The following TMCC1 variants were observed in gnomAD, a reference collection of about 807,000 sequenced individuals.
The protein encoded by TMCC1 is transmembrane and coiled-coil domains protein 1.
A neutral mutation model predicts 52.4 loss-of-function variants in TMCC1; 15 were observed. The observed-to-expected ratio is 0.29, with a 90% CI of 0.19 to 0.44. TMCC1 has a LOEUF of 0.44. TMCC1 is among the 20% of genes least tolerant of loss of function. TMCC1 has a pLI of 1.00. For missense variants in TMCC1, 503 were observed against 806.0 expected (o/e 0.62, Z 4.55); for synonymous variants, 279 against 301.9 (o/e 0.92, Z 0.79).
intron 4 of TMCC1, among the ~76,000 whole-genome samples, chr3:129,680,624 G>C (rs1158452683): frequency 2.6e-5 from 4 of 152,206 alleles, no homozygotes; most frequent in Non-Finnish European, 1.5e-5. Context: ...CTCTGGGCCA[G>C]GCCTGGTGGC....
intron 5 of TMCC1, among the ~76,000 whole-genome samples, chr3:129,662,763 C>A (rs1390446591): frequency 6.6e-6 from 1 of 152,172 alleles, no homozygotes; most frequent in South Asian, 2.1e-4. Flanking sequence ...GATGTTCACG[C>A]ACCTCCGCTT....
chr3:129,860,573 T>C (rs751432509), intron 2 of TMCC1, among the ~76,000 whole-genome samples: 1 of 152,138 alleles, frequency 6.6e-6, no homozygotes, highest in African/African-American at 2.4e-5. Flanking sequence ...ATTATACTTA[T>C]CTAAGCATTT....
intron 2 of TMCC1, among the ~76,000 whole-genome samples, chr3:129,875,524 AAC>A (rs1406771795): frequency 2.0e-5 from 3 of 150,798 alleles, no homozygotes; most frequent in African/African-American, 4.9e-5. Flanking sequence ...AAACAACACA[AAC>A]ACACCCAAAA....
intron 4 of TMCC1, among the ~76,000 whole-genome samples, chr3:129,758,364 T>C (rs1176439266): frequency 9.2e-5 from 14 of 152,234 alleles, no homozygotes; most frequent in African/African-American, 2.4e-5. Flanking sequence ...TACAGGTGGA[T>C]ACATAATTAC....
At chr3:129,847,405 A>G (rs1251917892) in intron 2 of TMCC1, 1 of 152,220 alleles carries the variant, frequency 6.6e-6, no homozygotes, top group African/African-American at 2.4e-5. Context: ...ATCTATTGCA[A>G]GAAGTTAGTT....
chr3:129,809,836 T>C (rs999061442), intron 4 of TMCC1, among the ~76,000 whole-genome samples: 1 of 152,210 alleles, frequency 6.6e-6, no homozygotes, highest in Non-Finnish European at 1.5e-5. Context: ...TTTAGGTAAA[T>C]CCCACTAAAA....
intron 4 of TMCC1, among the ~76,000 whole-genome samples, chr3:129,731,681 AT>A (rs77948753): frequency 1.3e-5 from 2 of 151,740 alleles, no homozygotes; most frequent in African/African-American, 4.8e-5. Flanking sequence ...CTGGCCCAAA[AT>A]TTTTTTACAC....
At chr3:129,892,033 C>G (rs2061988276) in intron 1 of TMCC1, among the ~76,000 whole-genome samples, 1 of 152,250 alleles carries the variant, frequency 6.6e-6, no homozygotes, top group South Asian at 2.1e-4. Flanking sequence ...TGTCAGCGGT[C>G]TGTGCTTCTG....
At chr3:129,750,681 T>C (rs1460616838) in intron 4 of TMCC1, among the ~76,000 whole-genome samples, 22 of 149,112 alleles carry the variant, frequency 1.5e-4, no homozygotes, top group Admixed American at 1.1e-3. Context: ...TTCACGCCAT[T>C]CTCCTGCCTC....
intron 4 of TMCC1, among the ~76,000 whole-genome samples, chr3:129,797,984 G>GC (rs1187529175): frequency 5.3e-5 from 3 of 56,910 alleles, no homozygotes; most frequent in Non-Finnish European, 6.9e-5. Flanking sequence ...CGAGTTGTGT[G>GC]CCTTTTTTTT....
rs1481584867 is a variant in TMCC1 at position 129,677,971 on chromosome 3, G to A, written c.577-6707C>T. On this transcript the variant is annotated intron_variant, in intron 4 of 6. Coordinates refer to ENST00000393238, the MANE Select transcript of TMCC1 (RefSeq NM_001017395.5). ...AGACAGAGTCTCGCTCTGTCGCCCA[G>A]GCTGGGGTGCAGTAGCATGATCTTG... Among the ~76,000 whole-genome samples, 3 of 152,188 alleles carry A rather than the reference G, an allele frequency of 2.0e-5. No homozygotes were observed. In the East Asian group the frequency reaches 5.8e-4, roughly 29 times the overall value.
At chr3:129,669,759 C>A (rs974715800) in intron 5 of TMCC1, among the ~76,000 whole-genome samples, 1 of 152,226 alleles carries the variant, frequency 6.6e-6, no homozygotes, top group Non-Finnish European at 1.5e-5. Flanking sequence ...ACGAGACCAG[C>A]TTCTACCCTT....
intron 4 of TMCC1, among the ~76,000 whole-genome samples, chr3:129,755,799 T>C (rs1471188944): frequency 6.6e-6 from 1 of 152,214 alleles, no homozygotes; most frequent in African/African-American, 2.4e-5. Flanking sequence ...AAATGGCACA[T>C]TCAGTTTATA....
At chr3:129,752,225 G>A (rs1018022361) in intron 4 of TMCC1, among the ~76,000 whole-genome samples, 1 of 152,116 alleles carries the variant, frequency 6.6e-6, no homozygotes, top group South Asian at 2.1e-4. Flanking sequence ...CTGAATGAGC[G>A]AGCTGTGACC....
intron 4 of TMCC1, among the ~76,000 whole-genome samples, chr3:129,793,479 G>A (rs1297258351): frequency 6.6e-6 from 1 of 152,180 alleles, no homozygotes; most frequent in Non-Finnish European, 1.5e-5. Flanking sequence ...TCTGTATTCA[G>A]GGAATGAACT....
At chr3:129,870,813 G>T (rs1364308834) in intron 2 of TMCC1, among the ~76,000 whole-genome samples, 1 of 143,738 alleles carries the variant, frequency 7.0e-6, no homozygotes, top group Non-Finnish European at 1.5e-5. Flanking sequence ...CACTATTCTG[G>T]TCTCATTCAT....
chr3:129,824,567 G>A (rs1215866711), intron 4 of TMCC1, among the ~76,000 whole-genome samples: 4 of 152,126 alleles, frequency 2.6e-5, no homozygotes, highest in African/African-American at 9.7e-5. Flanking sequence ...AGTATTGGGG[G>A]AAAGGACATA....
At chr3:129,749,784 A>G (rs1435912411) in intron 4 of TMCC1, among the ~76,000 whole-genome samples, 1 of 152,236 alleles carries the variant, frequency 6.6e-6, no homozygotes, top group Non-Finnish European at 1.5e-5. Flanking sequence ...AATGTTCCAG[A>G]AACACACAAA....
chr3:129,853,846 T>G (rs758947640), intron 2 of TMCC1, among the ~76,000 whole-genome samples: 16 of 152,106 alleles, frequency 1.1e-4, no homozygotes, highest in Non-Finnish European at 2.1e-4. Context: ...CTTTTGTCAG[T>G]GAAGAGCACT....
Sources: allele counts gnomAD v4.1 joint callset (sites outside exome capture counted in the v4.1 genomes callset), GRCh38; gene constraint gnomAD v4.1.1; transcripts MANE v1.5; gene names NCBI Gene and HGNC (gene_info 2026-07-23, HGNC 2026-07-21).